The following UGT1A6 variants were observed in gnomAD, a reference collection of about 807,000 sequenced individuals.
UGT1A6 encodes the protein UDP-glucuronosyltransferase 1A6.
In UGT1A6, 32 loss-of-function variants were observed where a neutral mutation model predicts 44.4. The observed-to-expected ratio is 0.72, with a 90% CI of 0.54 to 0.97. The LOEUF is 0.97. Ranked by LOEUF, UGT1A6 falls within the 50% of genes least tolerant of loss-of-function variation. UGT1A6 has a pLI of 0.00. For synonymous variants in UGT1A6, 238 were observed against 248.5 expected, an observed-to-expected ratio of 0.96 and a Z score of 0.40; for missense variants, 685 against 661.9, an observed-to-expected ratio of 1.03 and a Z score of -0.38.
chr2:233,761,244 C>A lies in UGT1A6; in HGVS notation c.862-5790C>A, dbSNP rs555483711. 5.0e-6 allele frequency: 8 copies of A among 1,610,826 alleles called. No homozygotes were observed. In the African/African-American group the frequency reaches 1.1e-4, roughly 21 times the overall value. On this transcript the variant is annotated intron_variant, in intron 1 of 4. Transcript: ENST00000305139. ...TAGCCCCAGATATATGCTGAGCAAG[C>A]ATTCTGAGATAATTTAAAATGCCCT...
At chr2:233,759,502 A>G (rs1487597943) in intron 1 of UGT1A6, among the ~76,000 whole-genome samples, 1 of 152,052 alleles carries the variant, frequency 6.6e-6, no homozygotes, top group Non-Finnish European at 1.5e-5. Flanking sequence ...GGTTCACACT[A>G]ATAAAGGCCT....
chr2:233,724,642 G>A (rs896870557), intron 1 of UGT1A6, among the ~76,000 whole-genome samples: 3 of 142,058 alleles, frequency 2.1e-5, no homozygotes, highest in African/African-American at 8.0e-5. Flanking sequence ...AGATGTGATG[G>A]CGGCTGGGAA....
chr2:233,699,964 G>A (rs985933821), intron 1 of UGT1A6, among the ~76,000 whole-genome samples: 3 of 152,126 alleles, frequency 2.0e-5, no homozygotes, highest in African/African-American at 4.8e-5. Flanking sequence ...AAAAATACCC[G>A]TCCCCCAACT....
intron 1 of UGT1A6, chr2:233,748,124 G>A (rs1575688214): frequency 6.2e-7 from 1 of 1,610,748 alleles, no homozygotes; most frequent in South Asian, 1.1e-5. Flanking sequence ...AGGCAAAACA[G>A]TTTTTAAAAA....
At chr2:233,705,781 CA>C (rs1559354356) in intron 1 of UGT1A6, among the ~76,000 whole-genome samples, 1 of 152,140 alleles carries the variant, frequency 6.6e-6, no homozygotes, top group Non-Finnish European at 1.5e-5. Context: ...TGTCTTAGTG[CA>C]AAATGCCCCT....
chr2:233,749,360 T>C (rs1258225347), intron 1 of UGT1A6, among the ~76,000 whole-genome samples: 1 of 151,902 alleles, frequency 6.6e-6, no homozygotes, highest in South Asian at 2.1e-4. Flanking sequence ...AAATAGTGAC[T>C]CTTGCCCTTT....
intron 1 of UGT1A6, among the ~76,000 whole-genome samples, chr2:233,710,804 T>A (rs1263118974): frequency 6.6e-6 from 1 of 152,240 alleles, no homozygotes; most frequent in Non-Finnish European, 1.5e-5. Context: ...GTACCCCTCG[T>A]GCCCTATCTA....
At chr2:233,728,633 A>G (rs1305532869) in intron 1 of UGT1A6, among the ~76,000 whole-genome samples, 1 of 152,194 alleles carries the variant, frequency 6.6e-6, no homozygotes, top group Non-Finnish European at 1.5e-5. Flanking sequence ...CTGGCTTAGC[A>G]ATGTTGTATG....
chr2:233,700,798 T>G (rs1387301814), intron 1 of UGT1A6, among the ~76,000 whole-genome samples: 1 of 152,156 alleles, frequency 6.6e-6, no homozygotes, highest in Admixed American at 6.5e-5. Flanking sequence ...TGTATACATG[T>G]GCCATGTTGG....
At chr2:233,737,798 AC>A (rs2125811044) in intron 1 of UGT1A6, among the ~76,000 whole-genome samples, 1 of 151,388 alleles carries the variant, frequency 6.6e-6, no homozygotes, top group African/African-American at 2.4e-5. Flanking sequence ...TCAAATCTTC[AC>A]TATCATCTCA....
intron 1 of UGT1A6, among the ~76,000 whole-genome samples, chr2:233,707,115 T>A (rs2075942162): frequency 6.6e-6 from 1 of 152,098 alleles, no homozygotes; most frequent in Non-Finnish European, 1.5e-5. Flanking sequence ...CCCAAAATAC[T>A]CTGCATTAGG....
At chr2:233,767,302 A>G (rs951994488) in intron 2 of UGT1A6, 137 bp downstream of exon 2, 1 of 1,534,820 alleles carries the variant, frequency 6.5e-7, no homozygotes, top group African/African-American at 1.4e-5. Context: ...TATTAATCCA[A>G]AGGTTTTTTT....
intron 1 of UGT1A6, among the ~76,000 whole-genome samples, chr2:233,704,279 G>T (rs1481908490): frequency 9.5e-6 from 1 of 104,872 alleles, no homozygotes; most frequent in African/African-American, 4.5e-5. Context: ...TTTGCATTGA[G>T]TGAATATTTT....
chr2:233,768,836 G>A (rs543894216), intron 4 of UGT1A6, among the ~76,000 whole-genome samples: 3 of 151,834 alleles, frequency 2.0e-5, no homozygotes, highest in African/African-American at 7.3e-5. Flanking sequence ...CACCTGCCTC[G>A]GCCTGCCAAA....
chr2:233,717,175 A>G (rs113530832), intron 1 of UGT1A6, among the ~76,000 whole-genome samples: 4 of 152,334 alleles, frequency 2.6e-5, no homozygotes, highest in African/African-American at 7.2e-5. Flanking sequence ...GAATGTGGCA[A>G]GAGCACCCTC....
chr2:233,762,402 T>A (rs1251958312), intron 1 of UGT1A6, among the ~76,000 whole-genome samples: 1 of 152,262 alleles, frequency 6.6e-6, no homozygotes, highest in Non-Finnish European at 1.5e-5. Flanking sequence ...TAAAATTTTT[T>A]GGTTGCTTTT....
In UGT1A6 at chr2:233,767,880, C is replaced by T. The variant is rs144978321; in HGVS notation, c.1025C>T (p.Ser342Leu). Reference sequence around the variant, plus strand: ...TGGCGGTACACTGGAACCCGACCATCGAATCTTGCGAACAACACGATACTT... The same window carrying T: ...TGGCGGTACACTGGAACCCGACCATTGAATCTTGCGAACAACACGATACTT... ...VLWRYTGTRP[S>L]NLANNTILVK... Residue 342 changes from serine (S) to leucine (L), a missense_variant, in exon 3 of 5, where the codon TCG (serine) becomes TTG (leucine). Physicochemically the swap from Ser to Leu is moderately radical, Grantham distance 145 (BLOSUM62 -2). Transcript: ENST00000305139. 290 of 1,614,050 alleles carry T rather than the reference C, an allele frequency of 1.8e-4. No homozygotes were observed. Among genetic ancestry groups the T allele is most frequent in the Non-Finnish European group, 2.4e-4 (278 of 1,180,052 alleles).
At chr2:233,725,001 G>A (rs1276972399) in intron 1 of UGT1A6, among the ~76,000 whole-genome samples, 4 of 134,004 alleles carry the variant, frequency 3.0e-5, no homozygotes, top group Non-Finnish European at 6.0e-5. Context: ...GCTGGAGACC[G>A]GCCCGGCCAA....
At position 233,760,497 on chromosome 2, in the gene UGT1A6, C is replaced by G. The variant is rs1553620689; in HGVS notation, c.862-6537C>G. ...CTGACGCCTCGTTGTACATCAGAGACGGAGCATTTTACACCTTGAAGACGT... is the reference window on the plus strand; with the variant it reads ...CTGACGCCTCGTTGTACATCAGAGAGGGAGCATTTTACACCTTGAAGACGT... On this transcript the variant is annotated intron_variant, in intron 1 of 4. Transcript: ENST00000305139. 1.2e-6 allele frequency: 2 copies of G among 1,614,200 alleles called. No individual in the cohort carries two copies. The highest frequency in any genetic ancestry group is 2.7e-5 in the African/African-American group (2 of 75,048).
Sources: gnomAD v4.1 joint callset for allele counts (sites outside exome capture counted in the v4.1 genomes callset) on GRCh38, gnomAD v4.1.1 for gene constraint, MANE v1.5 for transcripts, NCBI Gene and HGNC (gene_info 2026-07-23, HGNC 2026-07-21) for gene names.